CCDC30: variants seen among roughly 807,000 people sequenced by gnomAD.
The protein encoded by CCDC30 is coiled-coil domain-containing protein 30.
CCDC30 carries 70 observed loss-of-function variants against 100.2 expected under a neutral mutation model. The ratio of observed to expected loss-of-function variants is 0.70; its 90% CI spans 0.58 to 0.85. CCDC30 has a LOEUF of 0.85. Among genes scored for constraint, CCDC30 ranks in the 40% least tolerant of loss-of-function variants. The probability of loss-of-function intolerance (pLI) is 0.00; values close to 1 mark genes in which losing one functional copy is unlikely to be tolerated. For synonymous variants in CCDC30, 233 were observed against 269.5 expected (o/e 0.86, Z 1.33); for missense variants, 652 against 771.2 (o/e 0.85, Z 1.83).
At chr1:42,475,938 T>G (rs1015528948) in intron 1 of CCDC30, among the ~76,000 whole-genome samples, 2 of 152,048 alleles carry the variant, frequency 1.3e-5, no homozygotes, top group African/African-American at 4.8e-5. Flanking sequence ...TAAAACAGAT[T>G]AACAGGAGAA....
At chr1:42,566,152 A>G in intron 6 of CCDC30, 144 bp from the exon 11 acceptor site, 1 of 603,854 alleles carries the variant, frequency 1.7e-6, no homozygotes, top group Non-Finnish European at 3.0e-6. Flanking sequence ...GTAAAAGAGT[A>G]GTTTGCTGTA....
intron 1 of CCDC30, chr1:42,473,085 G>T: frequency 1.6e-6 from 2 of 1,223,218 alleles, no homozygotes; most frequent in Non-Finnish European, 2.0e-6. Flanking sequence ...GTGTGTGTGT[G>T]TGTGTTCATA....
At chr1:42,560,456 G>T (rs1372760166) in intron 6 of CCDC30, among the ~76,000 whole-genome samples, 1 of 152,010 alleles carries the variant, frequency 6.6e-6, no homozygotes, top group Non-Finnish European at 1.5e-5. Flanking sequence ...TGCAACCTCT[G>T]CCTCCTGGGT....
intron 10 of CCDC30, among the ~76,000 whole-genome samples, chr1:42,608,569 G>A (rs1646552302): frequency 6.6e-6 from 1 of 152,008 alleles, no homozygotes; most frequent in Non-Finnish European, 1.5e-5. Flanking sequence ...CGGACGTGGC[G>A]GTGGGCGCCT....
intron 11 of CCDC30, among the ~76,000 whole-genome samples, chr1:42,628,730 C>T (rs1326498533): frequency 6.6e-6 from 1 of 152,172 alleles, no homozygotes; most frequent in Non-Finnish European, 1.5e-5. Context: ...TCACCTCCCA[C>T]CATGATTCTG....
At chr1:42,588,026 G>T (rs1646111629) in intron 9 of CCDC30, among the ~76,000 whole-genome samples, 1 of 152,152 alleles carries the variant, frequency 6.6e-6, no homozygotes, top group Non-Finnish European at 1.5e-5. Flanking sequence ...GGGGGTTATA[G>T]CAGGGAAGGA....
intron 15 of CCDC30, among the ~76,000 whole-genome samples, chr1:42,652,971 AGT>A: frequency 6.6e-6 from 1 of 152,304 alleles, no homozygotes; most frequent in East Asian, 1.9e-4. Flanking sequence ...TGGTTGCATA[AGT>A]GTGTGAGTAC....
chr1:42,490,153 T>C lies in CCDC30; in HGVS notation c.170-5T>C. ...CTTATACAAATATTTTATTTCTTTT[T>C]TTAGATTCTGCACTTAAGAAGGCTC... On this transcript the variant is annotated splice_polypyrimidine_tract_variant and splice_region_variant and intron_variant, in intron 3 of 16. Transcript: ENST00000668663. 8.9e-7 allele frequency: 1 copy of C among 1,125,398 alleles called. No homozygotes were observed. Among genetic ancestry groups the C allele is most frequent in the African/African-American group, 1.6e-5 (1 of 62,398 alleles). 69.7% of individuals were successfully genotyped at this position (1,125,398 alleles called of 1,614,324 possible).
the CCDC30 span, chr1:42,456,822 C>G: frequency 5.0e-6 from 8 of 1,613,320 alleles, no homozygotes; most frequent in Admixed American, 1.7e-5. Context: ...TTGTATCGCG[C>G]TCGCTCTGCC....
chr1:42,581,346 T>C lies in CCDC30; in HGVS notation c.847-14T>C, dbSNP rs755794589. 5 of 1,588,222 alleles carry C rather than the reference T, an allele frequency of 3.1e-6. No individual in the cohort carries two copies. The highest frequency in any genetic ancestry group is 2.2e-5 in the East Asian group (1 of 44,712). ...CTTCTTAATGCTTTACTTGTAAATG[T>C]TTTTTCATTCAAGATTTTGGACCTG... On this transcript the variant is annotated splice_polypyrimidine_tract_variant and intron_variant, in intron 8 of 16. Coordinates refer to ENST00000668663, the Ensembl canonical transcript of CCDC30.
intron 11 of CCDC30, among the ~76,000 whole-genome samples, chr1:42,619,482 T>C (rs992743834): frequency 6.6e-6 from 1 of 152,104 alleles, no homozygotes. Flanking sequence ...CACAGAAAGA[T>C]TACCCCAGTC....
intron 6 of CCDC30, chr1:42,536,528 AAG>A (rs372826618): frequency 0.028 from 29,979 of 1,056,720 alleles, no homozygotes; most frequent in South Asian, 0.054. Flanking sequence ...GAGTGGTCAA[AAG>A]AGAGAGAGAG....
intron 9 of CCDC30, among the ~76,000 whole-genome samples, chr1:42,588,264 G>A (rs370039652): frequency 6.6e-6 from 1 of 152,204 alleles, no homozygotes; most frequent in African/African-American, 2.4e-5. Flanking sequence ...CTGGTTTCAT[G>A]ATGAGACTGA....
intron 1 of CCDC30, among the ~76,000 whole-genome samples, chr1:42,477,087 T>C (rs1482727754): frequency 2.0e-5 from 3 of 147,096 alleles, no homozygotes; most frequent in Non-Finnish European, 4.5e-5. Context: ...TCTGGCTTTT[T>C]TTTTTCCCCC....
chr1:42,588,388 A>G (rs964531560), intron 9 of CCDC30, among the ~76,000 whole-genome samples: 3 of 152,096 alleles, frequency 2.0e-5, no homozygotes, highest in Admixed American at 6.5e-5. Context: ...AGCAAACACA[A>G]TTTTATTAAC....
At chr1:42,497,721 A>C (rs1644251047) in intron 5 of CCDC30, among the ~76,000 whole-genome samples, 1 of 152,224 alleles carries the variant, frequency 6.6e-6, no homozygotes, top group Non-Finnish European at 1.5e-5. Context: ...TAGGTGCTTT[A>C]GAAATTTTTT....
intron 6 of CCDC30, among the ~76,000 whole-genome samples, chr1:42,500,615 G>A (rs1323669326): frequency 6.6e-6 from 1 of 151,950 alleles, no homozygotes; most frequent in Admixed American, 6.6e-5. Context: ...GGGTTTCACC[G>A]TGTTAGCCAG....
chr1:42,545,926 A>G (rs892659351), intron 6 of CCDC30, among the ~76,000 whole-genome samples: 2 of 149,244 alleles, frequency 1.3e-5, no homozygotes, highest in Non-Finnish European at 3.0e-5. Context: ...CCTGGGCAAC[A>G]GAGCTAGACC....
At chr1:42,555,092 A>G (rs1297722557) in intron 6 of CCDC30, among the ~76,000 whole-genome samples, 3 of 152,190 alleles carry the variant, frequency 2.0e-5, no homozygotes, top group Non-Finnish European at 4.4e-5. Context: ...ACTGTCTTTT[A>G]AATATCTCCA....
Sources: gnomAD v4.1 joint callset for allele counts (sites outside exome capture counted in the v4.1 genomes callset) on GRCh38, gnomAD v4.1.1 for gene constraint, MANE v1.5 for transcripts, NCBI Gene and HGNC (gene_info 2026-07-23, HGNC 2026-07-21) for gene names.